ADGRV1: variants seen among roughly 807,000 people sequenced by gnomAD.
ADGRV1 encodes adhesion G protein-coupled receptor V1, also known as G-protein coupled receptor 98.
A neutral mutation model predicts 596.2 loss-of-function variants in ADGRV1; 359 were observed. That is an observed-to-expected ratio of 0.60 (90% confidence interval 0.55 to 0.66). The LOEUF (loss-of-function observed/expected upper bound fraction) is 0.66. Ranked by LOEUF, ADGRV1 falls within the 30% of genes least tolerant of loss-of-function variation. ADGRV1 has a pLI of 0.00. For missense variants in ADGRV1, 7,274 were observed against 7,575.6 expected, an observed-to-expected ratio of 0.96 and a Z score of 1.48; for synonymous variants, 2,681 against 2,679.2, an observed-to-expected ratio of 1.00 and a Z score of -0.02.
intron 87 of ADGRV1, among the ~76,000 whole-genome samples, chr5:91,147,082 G>A (rs975673245): frequency 3.3e-5 from 5 of 150,898 alleles, no homozygotes; most frequent in East Asian, 3.9e-4. Context: ...TGGGAGTATC[G>A]CTTGAGCCTG....
At chr5:91,131,600 G>A (rs1794224426) in intron 87 of ADGRV1, among the ~76,000 whole-genome samples, 1 of 151,970 alleles carries the variant, frequency 6.6e-6, no homozygotes, top group South Asian at 2.1e-4. Flanking sequence ...ACAGGCATGA[G>A]CCACCATGCC....
intron 84 of ADGRV1, 45 bp from the exon 85 acceptor site, chr5:90,985,299 C>T (rs1339534187): frequency 1.4e-6 from 2 of 1,412,236 alleles, no homozygotes; most frequent in Non-Finnish European, 1.9e-6. Context: ...GTGTTCTGTG[C>T]CATTAAAGAA....
At chr5:90,818,478 T>C (rs1191447411) in intron 75 of ADGRV1, among the ~76,000 whole-genome samples, 1 of 150,482 alleles carries the variant, frequency 6.6e-6, no homozygotes, top group Non-Finnish European at 1.5e-5. Context: ...AGAGAGGGCA[T>C]CCCTGTCTTG....
At chr5:90,632,179 T>G (rs1012425332) in intron 9 of ADGRV1, among the ~76,000 whole-genome samples, 1 of 152,190 alleles carries the variant, frequency 6.6e-6, no homozygotes, top group African/African-American at 2.4e-5. Flanking sequence ...CCCTTCTGTT[T>G]GTCTCCAGTC....
intron 1 of ADGRV1, among the ~76,000 whole-genome samples, chr5:90,603,420 C>A (rs921181442): frequency 1.3e-5 from 2 of 152,128 alleles, no homozygotes; most frequent in Non-Finnish European, 2.9e-5. Context: ...ATAAGACAGT[C>A]CAGGATGCCC....
intron 1 of ADGRV1, among the ~76,000 whole-genome samples, chr5:90,590,687 G>C (rs1161355294): frequency 1.3e-5 from 2 of 152,170 alleles, no homozygotes; most frequent in African/African-American, 4.8e-5. Context: ...CATTCTCAAA[G>C]TGAGGAGCAC....
chr5:90,574,510 G>A (rs1408002326), intron 1 of ADGRV1, among the ~76,000 whole-genome samples: 2 of 152,118 alleles, frequency 1.3e-5, no homozygotes, highest in Admixed American at 6.6e-5. Flanking sequence ...TATCCTGAAA[G>A]TTTACTAAAA....
chr5:90,706,749 C>T (rs914919671), intron 38 of ADGRV1, among the ~76,000 whole-genome samples: 2 of 149,916 alleles, frequency 1.3e-5, no homozygotes, highest in African/African-American at 4.9e-5. Context: ...AAAAAAATTA[C>T]TCTGACTTTA....
intron 84 of ADGRV1, among the ~76,000 whole-genome samples, chr5:90,977,532 T>A (rs1270444266): frequency 6.6e-6 from 1 of 152,222 alleles, no homozygotes; most frequent in East Asian, 1.9e-4. Flanking sequence ...CTTTATATTT[T>A]ACTCATATGC....
intron 53 of ADGRV1, among the ~76,000 whole-genome samples, chr5:90,753,185 C>T (rs1012183141): frequency 3.3e-5 from 5 of 152,002 alleles, no homozygotes; most frequent in Admixed American, 2.0e-4. Context: ...GGAAATAATC[C>T]GGGCAAAAGT....
At chr5:90,865,957 T>C (rs1768051318) in intron 83 of ADGRV1, among the ~76,000 whole-genome samples, 1 of 152,114 alleles carries the variant, frequency 6.6e-6, no homozygotes, top group Non-Finnish European at 1.5e-5. Flanking sequence ...TATTGTCATT[T>C]TTGGAGGTTA....
chr5:90,619,008 A>G (rs1390402420), intron 3 of ADGRV1, 78 bp from the exon 4 acceptor site: 1 of 655,516 alleles, frequency 1.5e-6, no homozygotes, highest in African/African-American at 1.9e-5. Flanking sequence ...CTACTTGAAG[A>G]CAAATTCTAC....
intron 71 of ADGRV1, 125 bp downstream of exon 71, chr5:90,803,007 T>C (rs1761539700): frequency 3.0e-6 from 2 of 670,462 alleles, no homozygotes; most frequent in South Asian, 7.4e-5. Flanking sequence ...AATAACTCTG[T>C]GAATATCAAA....
rs371989269 is a variant in ADGRV1, at chr5:91,149,601, G to A, written c.18433-429G>A. 3.9e-5 allele frequency among the ~76,000 whole-genome samples: 6 copies of A among 152,150 alleles called. No individual in the cohort carries two copies. In the East Asian group the frequency reaches 9.7e-4, roughly 25 times the overall value. On this transcript the variant is annotated intron_variant, in intron 87 of 89. Coordinates refer to ENST00000405460, the MANE Select transcript of ADGRV1 (RefSeq NM_032119.4). Reference sequence around the variant, plus strand: ...AATCCCAGCACTTTGTGAGGCTGAGGTGGGTGGCTCACTTGAGGTCAGGAG... The same window carrying A: ...AATCCCAGCACTTTGTGAGGCTGAGATGGGTGGCTCACTTGAGGTCAGGAG...
intron 85 of ADGRV1, among the ~76,000 whole-genome samples, chr5:91,035,945 T>G (rs1784877953): frequency 6.9e-6 from 1 of 144,766 alleles, no homozygotes; most frequent in Non-Finnish European, 1.5e-5. Context: ...ATTTCCTTAC[T>G]TACACACAGA....
intron 85 of ADGRV1, among the ~76,000 whole-genome samples, chr5:91,053,528 C>T (rs757480316): frequency 6.6e-6 from 1 of 152,202 alleles, no homozygotes; most frequent in Non-Finnish European, 1.5e-5. Flanking sequence ...CCTGAACCAA[C>T]AGGAAACAAA....
chr5:90,820,761 T>C (rs920328866), intron 75 of ADGRV1, among the ~76,000 whole-genome samples: 9 of 151,846 alleles, frequency 5.9e-5, no homozygotes, highest in African/African-American at 2.2e-4. Context: ...TCTTCTGGCT[T>C]GTAGGGTTTC....
intron 27 of ADGRV1, 78 bp from the exon 28 acceptor site, chr5:90,683,508 C>A: frequency 8.8e-7 from 1 of 1,136,556 alleles, no homozygotes; most frequent in Non-Finnish European, 1.2e-6. Flanking sequence ...GTGCTGCTAT[C>A]ATTAATGTAT....
chr5:91,157,640 A>G (rs1001967810), intron 89 of ADGRV1, among the ~76,000 whole-genome samples: 15 of 152,064 alleles, frequency 9.9e-5, no homozygotes, highest in East Asian at 5.8e-4. Flanking sequence ...TGGCCATAAG[A>G]CTCTAAGGTG....
Sources: gnomAD v4.1 joint callset for allele counts (sites outside exome capture counted in the v4.1 genomes callset) on GRCh38, gnomAD v4.1.1 for gene constraint, MANE v1.5 for transcripts, NCBI Gene and HGNC (gene_info 2026-07-23, HGNC 2026-07-21) for gene names.